TNRC6A: variants seen among roughly 807,000 people sequenced by gnomAD.
TNRC6A encodes trinucleotide repeat containing adaptor 6A, also known as trinucleotide repeat-containing gene 6A protein.
In TNRC6A, 44 loss-of-function variants were observed where a neutral mutation model predicts 221.2. The ratio of observed to expected loss-of-function variants is 0.20; its 90% confidence interval spans 0.16 to 0.26. TNRC6A has a LOEUF of 0.26. TNRC6A is among the 10% of genes least tolerant of loss of function. The pLI is 1.00. For synonymous variants in TNRC6A, 847 were observed against 838.5 expected (o/e 1.01, Z -0.18); for missense variants, 2,199 against 2,404.4 (o/e 0.91, Z 1.79).
At chr16:24,651,949 T>G (rs1208956209) in intron 2 of TNRC6A, among the ~76,000 whole-genome samples, 1 of 147,668 alleles carries the variant, frequency 6.8e-6, no homozygotes, top group Non-Finnish European at 1.5e-5. Flanking sequence ...AAAAAAAAAA[T>G]TAATTAAAAA....
At chr16:24,713,586 G>T (rs1243858436) in intron 2 of TNRC6A, among the ~76,000 whole-genome samples, 1 of 151,940 alleles carries the variant, frequency 6.6e-6, no homozygotes, top group African/African-American at 2.4e-5. Flanking sequence ...TCTATAACAT[G>T]CCTTGTCTCT....
intron 2 of TNRC6A, among the ~76,000 whole-genome samples, chr16:24,702,678 G>A (rs2056010465): frequency 6.6e-6 from 1 of 152,062 alleles, no homozygotes; most frequent in South Asian, 2.1e-4. Flanking sequence ...CGAGGCTGCA[G>A]TGAGCTGTGA....
chr16:24,768,827 C>G (rs2057530833), intron 4 of TNRC6A, among the ~76,000 whole-genome samples: 1 of 152,110 alleles, frequency 6.6e-6, no homozygotes, highest in Admixed American at 6.5e-5. Context: ...AACTATTATA[C>G]AAAGTTAAAT....
chr16:24,679,075 C>T (rs950086292), intron 2 of TNRC6A, among the ~76,000 whole-genome samples: 2 of 150,396 alleles, frequency 1.3e-5, no homozygotes, highest in East Asian at 2.0e-4. Flanking sequence ...CTCCGCTCAC[C>T]GCAACCTCCG....
At position 24,679,289 on chromosome 16, in the gene TNRC6A, G is replaced by A. The variant is rs138667221; in HGVS notation, n.402+38280G>A. 5.9e-4 allele frequency among the ~76,000 whole-genome samples: 88 copies of A among 149,716 alleles called. 1 individual carries two copies. Among genetic ancestry groups the A allele is most frequent in the African/African-American group, 2.0e-3 (83 of 40,762 alleles). On this transcript the variant is annotated intron_variant and non_coding_transcript_variant, in intron 2 of 2. Transcript: ENST00000566108. ...CTGGGATTACAGGCTGAGCCACTGC[G>A]CCCGGCCAAGACATTGAATTTTTTT...
At chr16:24,658,375 T>C (rs1308911443) in intron 2 of TNRC6A, among the ~76,000 whole-genome samples, 3 of 152,242 alleles carry the variant, frequency 2.0e-5, no homozygotes, top group African/African-American at 4.8e-5. Context: ...TGTTTGTTTT[T>C]GAGGCAGAGT....
intron 2 of TNRC6A, chr16:24,670,954 C>T (rs1567342458): frequency 2.5e-6 from 1 of 405,760 alleles, no homozygotes; most frequent in South Asian, 1.7e-5. Context: ...TACCAGCACC[C>T]CCAGGCCATC....
chr16:24,707,196 A>C (rs2056112570), intron 2 of TNRC6A, among the ~76,000 whole-genome samples: 1 of 152,040 alleles, frequency 6.6e-6, no homozygotes, highest in South Asian at 2.1e-4. Flanking sequence ...GGGTTTCAAC[A>C]TATTGGCCAG....
chr16:24,725,914 C>T (rs1404433290), upstream of TNRC6A, among the ~76,000 whole-genome samples: 6 of 151,808 alleles, frequency 4.0e-5, no homozygotes, highest in African/African-American at 1.2e-4. Flanking sequence ...GCAAGGGAAT[C>T]GCTTGAACCC....
At chr16:24,818,195 T>A (rs1160988344) in intron 20 of TNRC6A, among the ~76,000 whole-genome samples, 1 of 152,122 alleles carries the variant, frequency 6.6e-6, no homozygotes. Context: ...TGTGACCAGG[T>A]GCCTTAGAGA....
At chr16:24,804,059 C>A in intron 11 of TNRC6A, 118 bp from the exon 12 acceptor site, 3 of 1,055,150 alleles carry the variant, frequency 2.8e-6, no homozygotes, top group Non-Finnish European at 4.0e-6. Flanking sequence ...TTTCACATAC[C>A]CTTGTCTTGG....
chr16:24,796,557 A>G (rs2058222979), intron 9 of TNRC6A, among the ~76,000 whole-genome samples: 1 of 152,146 alleles, frequency 6.6e-6, no homozygotes, highest in African/African-American at 2.4e-5. Flanking sequence ...AATAGAAAGG[A>G]CAGAAGAACT....
chr16:24,708,114 C>T (rs2056133389), intron 2 of TNRC6A, among the ~76,000 whole-genome samples: 1 of 151,882 alleles, frequency 6.6e-6, no homozygotes, highest in Non-Finnish European at 1.5e-5. Flanking sequence ...CAGGTGCTTT[C>T]ATAAATTGCT....
chr16:24,752,314 G>A (rs1224798625), intron 3 of TNRC6A, among the ~76,000 whole-genome samples: 2 of 152,116 alleles, frequency 1.3e-5, no homozygotes, highest in Non-Finnish European at 2.9e-5. Context: ...TCAGGCTAGG[G>A]GATACAAAGA....
At chr16:24,776,749 T>TATG in intron 4 of TNRC6A, 184 bp from the exon 5 acceptor site, 1 of 985,348 alleles carries the variant, frequency 1.0e-6, no homozygotes, top group Non-Finnish European at 1.2e-6. Flanking sequence ...AGAAGTGAAA[T>TATG]ATGACTCTTG....
chr16:24,771,551 TATG>T lies in TNRC6A; in HGVS notation c.164-5381_164-5379del, dbSNP rs1383382033. On this transcript the variant is annotated intron_variant, in intron 4 of 24. Coordinates refer to ENST00000395799, the MANE Select transcript of TNRC6A (RefSeq NM_014494.4). The stretch of plus-strand genomic sequence containing the variant: ...TATGTTATGTTATGTTATGTTATGT[TATG>T]TTATGTTTTATGTTATGTTATGTTA... 2.3e-4 allele frequency among the ~76,000 whole-genome samples: 23 copies of T among 102,206 alleles called. No homozygotes were observed. In the East Asian group the frequency reaches 3.4e-3, roughly 15 times the overall value. The allele number at this position is 102,206 out of a possible 152,430, so 67.1% of individuals were successfully genotyped here. A position where few individuals can be genotyped will look rare whatever the true frequency, so the allele number is the denominator to read the frequency against.
chr16:24,751,261 T>C (rs2057130911), intron 3 of TNRC6A, among the ~76,000 whole-genome samples: 1 of 152,210 alleles, frequency 6.6e-6, no homozygotes, highest in Admixed American at 6.5e-5. Context: ...GATGTTATTA[T>C]ATGTAATACA....
intron 2 of TNRC6A, among the ~76,000 whole-genome samples, chr16:24,651,194 A>AG: frequency 6.6e-6 from 1 of 152,192 alleles, no homozygotes; most frequent in East Asian, 1.9e-4. Flanking sequence ...CAAAAAAAAA[A>AG]AAAAAAAATT....
chr16:24,639,894 C>T (rs1376757778), intron 1 of TNRC6A, among the ~76,000 whole-genome samples: 1 of 152,184 alleles, frequency 6.6e-6, no homozygotes, highest in East Asian at 1.9e-4. Context: ...TGAGCTCAAA[C>T]AGTCCTCCCA....
Sources: allele counts gnomAD v4.1 joint callset (sites outside exome capture counted in the v4.1 genomes callset), GRCh38; gene constraint gnomAD v4.1.1; transcripts MANE v1.5; gene names NCBI Gene and HGNC (gene_info 2026-07-23, HGNC 2026-07-21).